The following ZNF385B variants were observed in gnomAD, a reference collection of about 807,000 sequenced individuals.
The protein encoded by ZNF385B is zinc finger protein 533.
ZNF385B carries 23 observed loss-of-function variants against 39.2 expected under a neutral mutation model. That is an observed-to-expected ratio of 0.59 (90% CI 0.42 to 0.83). The LOEUF (loss-of-function observed/expected upper bound fraction) is 0.83. Among genes scored for constraint, ZNF385B ranks in the 40% least tolerant of loss-of-function variants. The probability of loss-of-function intolerance (pLI) is 0.00; values close to 1 mark genes in which losing one functional copy is unlikely to be tolerated. For synonymous variants in ZNF385B, 205 were observed against 222.6 expected (o/e 0.92, Z 0.70); for missense variants, 552 against 598.9 (o/e 0.92, Z 0.82).
intron 4 of ZNF385B, among the ~76,000 whole-genome samples, chr2:179,540,926 G>T (rs1032040355): frequency 6.6e-5 from 10 of 152,148 alleles, no homozygotes; most frequent in Non-Finnish European, 1.3e-4. Context: ...TTGAAGGTGG[G>T]GTAGCAATGG....
At chr2:179,578,254 G>A (rs1280544027) in intron 3 of ZNF385B, among the ~76,000 whole-genome samples, 2 of 152,046 alleles carry the variant, frequency 1.3e-5, no homozygotes, top group African/African-American at 2.4e-5. Flanking sequence ...TTCTAACGAA[G>A]ACAGGGTCCC....
At chr2:179,527,031 G>A (rs1443216450) in intron 4 of ZNF385B, among the ~76,000 whole-genome samples, 1 of 152,154 alleles carries the variant, frequency 6.6e-6, no homozygotes, top group Non-Finnish European at 1.5e-5. Context: ...CTAACAGACA[G>A]GTTACATTAC....
intron 3 of ZNF385B, among the ~76,000 whole-genome samples, chr2:179,670,038 T>C (rs1274447813): frequency 6.6e-6 from 1 of 152,030 alleles, no homozygotes; most frequent in Admixed American, 6.6e-5. Flanking sequence ...ACGCTTGTAA[T>C]CCCAGCACTT....
intron 1 of ZNF385B, among the ~76,000 whole-genome samples, chr2:179,844,804 T>C (rs969834349): frequency 6.6e-6 from 1 of 152,170 alleles, no homozygotes; most frequent in Non-Finnish European, 1.5e-5. Context: ...GCTCTATCAC[T>C]CTCAGAACTT....
At chr2:179,730,202 T>A (rs1034974639) in intron 3 of ZNF385B, among the ~76,000 whole-genome samples, 2 of 152,184 alleles carry the variant, frequency 1.3e-5, no homozygotes, top group African/African-American at 4.8e-5. Context: ...TAACACTAAG[T>A]TTATGCCCGG....
intron 3 of ZNF385B, among the ~76,000 whole-genome samples, chr2:179,632,335 T>C (rs536542034): frequency 2.0e-5 from 3 of 151,944 alleles, no homozygotes; most frequent in Non-Finnish European, 4.4e-5. Flanking sequence ...AAAGAATTGA[T>C]ATCACAACAA....
At chr2:179,610,682 T>G (rs772390506) in intron 3 of ZNF385B, among the ~76,000 whole-genome samples, 20 of 152,178 alleles carry the variant, frequency 1.3e-4, no homozygotes, top group Non-Finnish European at 2.4e-4. Context: ...TTCCAATCCA[T>G]GAACATGAAA....
intron 3 of ZNF385B, among the ~76,000 whole-genome samples, chr2:179,655,599 GGAGA>G: frequency 6.6e-6 from 1 of 150,480 alleles, no homozygotes; most frequent in South Asian, 2.1e-4. Context: ...AGAGAAAGAG[GGAGA>G]GAGAGAGAGA....
intron 3 of ZNF385B, among the ~76,000 whole-genome samples, chr2:179,577,402 T>G (rs1685957240): frequency 6.6e-6 from 1 of 152,120 alleles, no homozygotes; most frequent in South Asian, 2.1e-4. Context: ...AACATAAAGT[T>G]TCTCTAATAG....
At chr2:179,514,778 GTTTTT>G (rs10594566) in intron 5 of ZNF385B, among the ~76,000 whole-genome samples, 6 of 143,380 alleles carry the variant, frequency 4.2e-5, no homozygotes, top group African/African-American at 2.6e-5. Flanking sequence ...ATGTGTGGTG[GTTTTT>G]TTTTTTTTTT....
chr2:179,625,652 T>C (rs1690592319), intron 3 of ZNF385B, among the ~76,000 whole-genome samples: 1 of 152,002 alleles, frequency 6.6e-6, no homozygotes, highest in African/African-American at 2.4e-5. Context: ...AGATGCCAGA[T>C]CCCTAAGGCA....
chr2:179,679,965 C>A (rs910998453), intron 3 of ZNF385B, among the ~76,000 whole-genome samples: 1 of 152,132 alleles, frequency 6.6e-6, no homozygotes, highest in Non-Finnish European at 1.5e-5. Context: ...CACAACTAAA[C>A]CTGGCTAATA....
intron 3 of ZNF385B, among the ~76,000 whole-genome samples, chr2:179,634,727 C>T (rs931315364): frequency 1.3e-5 from 2 of 152,140 alleles, no homozygotes; most frequent in African/African-American, 4.8e-5. Flanking sequence ...GATTATAAAT[C>T]ATGCTAGTAT....
chr2:179,688,727 T>C (rs2106339305), intron 3 of ZNF385B, among the ~76,000 whole-genome samples: 1 of 152,330 alleles, frequency 6.6e-6, no homozygotes, highest in South Asian at 2.1e-4. Context: ...TACATTGTTA[T>C]TAATTATAGT....
chr2:179,620,558 A>G (rs1024258029), intron 3 of ZNF385B, among the ~76,000 whole-genome samples: 2 of 152,150 alleles, frequency 1.3e-5, no homozygotes, highest in Non-Finnish European at 2.9e-5. Flanking sequence ...TTCTGAATCT[A>G]GTATCAGTTC....
At chr2:179,716,406 A>G (rs1039355363) in intron 3 of ZNF385B, among the ~76,000 whole-genome samples, 1 of 152,166 alleles carries the variant, frequency 6.6e-6, no homozygotes, top group African/African-American at 2.4e-5. Flanking sequence ...TTTCTGTTGT[A>G]GTTCTATTAC....
At chr2:179,520,183 T>G (rs2058382322) in intron 4 of ZNF385B, among the ~76,000 whole-genome samples, 1 of 151,080 alleles carries the variant, frequency 6.6e-6, no homozygotes. Flanking sequence ...AAAAAAAAAA[T>G]GCTAAGAGGG....
At chr2:179,590,481 T>A (rs981620668) in intron 3 of ZNF385B, among the ~76,000 whole-genome samples, 1 of 152,236 alleles carries the variant, frequency 6.6e-6, no homozygotes, top group African/African-American at 2.4e-5. Flanking sequence ...TGTGGCTTTA[T>A]TTCTTTATTT....
At chr2:179,722,599 T>C (rs1427385417) in intron 3 of ZNF385B, among the ~76,000 whole-genome samples, 1 of 152,098 alleles carries the variant, frequency 6.6e-6, no homozygotes, top group Non-Finnish European at 1.5e-5. Context: ...AAATTCAAGA[T>C]TTAAAGCCAA....
Sources: gnomAD v4.1 joint callset for allele counts (sites outside exome capture counted in the v4.1 genomes callset) on GRCh38, gnomAD v4.1.1 for gene constraint, MANE v1.5 for transcripts, NCBI Gene and HGNC (gene_info 2026-07-23, HGNC 2026-07-21) for gene names.